MS4A12: variants seen among roughly 807,000 people sequenced by gnomAD.
MS4A12 encodes the protein membrane spanning 4-domains A12.
Under a neutral mutation model 23.7 loss-of-function variants are expected in MS4A12, and 28 were observed. The observed-to-expected ratio is 1.18, with a 90% confidence interval of 0.88 to 1.62. The LOEUF (loss-of-function observed/expected upper bound fraction) is 1.62. MS4A12 is among the 40% of genes most tolerant of loss of function. The pLI is 0.00. For synonymous variants in MS4A12, 108 were observed against 110.1 expected, an observed-to-expected ratio of 0.98 and a Z score of 0.12; for missense variants, 342 against 327.0, an observed-to-expected ratio of 1.05 and a Z score of -0.35.
At chr11:60,506,351 A>G (rs908168144) in intron 5 of MS4A12, among the ~76,000 whole-genome samples, 2 of 152,190 alleles carry the variant, frequency 1.3e-5, no homozygotes, top group Admixed American at 6.5e-5. Context: ...AATAGTCATC[A>G]AACATTAATT....
chr11:60,497,522 A>C lies in MS4A12; in HGVS notation c.204A>C (p.Gly68=). 1 of 1,614,156 alleles carries C rather than the reference A, an allele frequency of 6.2e-7. No homozygotes were observed. The highest frequency in any genetic ancestry group is 1.1e-5 in the South Asian group (1 of 91,082). ...GIFASSQPGQ[G]NIQMINPSVG... ...TTGCTAGCAGTCAACCGGGTCAAGG[A>C]AATATACAAATGATAAATCCAAGTG... The change falls in exon 2 of 7, where the codon GGA becomes GGC. Residue 68 remains glycine (G), a synonymous_variant. Coordinates refer to ENST00000016913, the MANE Select transcript of MS4A12 (RefSeq NM_017716.3).
rs757436949 is a variant in MS4A12, at chr11:60,497,446, C to G, written c.128C>G (p.Ala43Gly). Reference protein sequence around the residue: ...PLGSINLENQAQGAQRAQPYG... With the variant: ...PLGSINLENQGQGAQRAQPYG... ...GGTTCAATCAACTTAGAAAACCAAG[C>G]TCAGGGTGCTCAGCGTGCTCAGCCC... The change falls in exon 2 of 7, where the codon GCT becomes GGT. Residue 43 changes from alanine to glycine, a missense_variant. By Grantham distance (60) the Ala-to-Gly change is moderately conservative. Transcript: ENST00000016913. 6.2e-7 allele frequency: 1 copy of G among 1,614,078 alleles called. No individual in the cohort carries two copies. Among genetic ancestry groups the G allele is most frequent in the Non-Finnish European group, 8.5e-7 (1 of 1,180,040 alleles).
intron 5 of MS4A12, among the ~76,000 whole-genome samples, chr11:60,504,306 A>G (rs1258492140): frequency 1.3e-5 from 2 of 152,222 alleles, no homozygotes; most frequent in Non-Finnish European, 2.9e-5. Context: ...ACACAATCAC[A>G]CATTCATTAG....
At chr11:60,501,240 T>G in intron 3 of MS4A12, 58 bp downstream of exon 3, 4 of 1,486,544 alleles carry the variant, frequency 2.7e-6, no homozygotes, top group Non-Finnish European at 3.6e-6. Context: ...CCCTCTTGGT[T>G]TATAAAGTAT....
At chr11:60,505,783 A>G (rs2135236087) in intron 5 of MS4A12, among the ~76,000 whole-genome samples, 1 of 152,282 alleles carries the variant, frequency 6.6e-6, no homozygotes, top group Admixed American at 6.5e-5. Flanking sequence ...CATGAGTAGT[A>G]CCCAGGACCT....
chr11:60,502,624 A>G (rs1054389632), intron 4 of MS4A12, among the ~76,000 whole-genome samples: 1 of 152,176 alleles, frequency 6.6e-6, no homozygotes, highest in Admixed American at 6.5e-5. Context: ...TTCGTGGTCT[A>G]CTATTGAACC....
intron 5 of MS4A12, among the ~76,000 whole-genome samples, 172 bp downstream of exon 5, chr11:60,503,989 C>T (rs2086551716): frequency 6.6e-6 from 1 of 152,162 alleles, no homozygotes; most frequent in Non-Finnish European, 1.5e-5. Flanking sequence ...GAGAGGGTTA[C>T]CTCTACAGAT....
At chr11:60,503,332 A>T (rs1484140511) in intron 4 of MS4A12, among the ~76,000 whole-genome samples, 1 of 152,240 alleles carries the variant, frequency 6.6e-6, no homozygotes, top group Non-Finnish European at 1.5e-5. Flanking sequence ...GTAAGAGTTG[A>T]GATAATTTAA....
At chr11:60,494,462 C>G (rs981659958) in intron 1 of MS4A12, among the ~76,000 whole-genome samples, 1 of 152,074 alleles carries the variant, frequency 6.6e-6, no homozygotes, top group East Asian at 1.9e-4. Context: ...TTTTTAAAAG[C>G]TCAAAAAAAT....
chr11:60,496,624 C>T (rs2086489411), intron 1 of MS4A12, among the ~76,000 whole-genome samples: 1 of 152,114 alleles, frequency 6.6e-6, no homozygotes, highest in Non-Finnish European at 1.5e-5. Context: ...TTACTTGGCC[C>T]CTGTATTAGT....
intron 1 of MS4A12, among the ~76,000 whole-genome samples, chr11:60,494,265 T>C (rs4939375): frequency 0.56 from 84,898 of 151,450 alleles, 23,851 homozygotes; most frequent in East Asian, 0.64. Context: ...CTATGTGAAA[T>C]TTACAGATCT....
chr11:60,493,667 A>C (rs2086466105), intron 1 of MS4A12, among the ~76,000 whole-genome samples: 1 of 152,218 alleles, frequency 6.6e-6, no homozygotes, highest in Admixed American at 6.5e-5. Context: ...AGGTGATATA[A>C]GTGTATACCT....
At chr11:60,501,859 G>T (rs762077675) in intron 3 of MS4A12, 124 bp from the exon 4 acceptor site, 8 of 820,154 alleles carry the variant, frequency 9.8e-6, no homozygotes, top group African/African-American at 3.4e-5. Flanking sequence ...AAATTCAGAA[G>T]TGCGAGAGAA....
intron 1 of MS4A12, among the ~76,000 whole-genome samples, chr11:60,494,415 T>A (rs753893098): frequency 7.2e-5 from 11 of 152,328 alleles, no homozygotes; most frequent in Non-Finnish European, 1.2e-4. Context: ...TGAAATCATA[T>A]ACATGCAGAA....
chr11:60,493,226 A>T (rs1191939062), intron 1 of MS4A12, among the ~76,000 whole-genome samples: 1 of 152,004 alleles, frequency 6.6e-6, no homozygotes, highest in Admixed American at 6.6e-5. Flanking sequence ...AAATACAAAA[A>T]TTAGCTGGGC....
At chr11:60,499,376 G>C (rs2086513561) in intron 2 of MS4A12, among the ~76,000 whole-genome samples, 1 of 152,206 alleles carries the variant, frequency 6.6e-6, no homozygotes, top group Non-Finnish European at 1.5e-5. Context: ...TACAAATCCA[G>C]ATCTAACTGC....
chr11:60,494,066 A>G (rs141871709), intron 1 of MS4A12, among the ~76,000 whole-genome samples: 1 of 152,342 alleles, frequency 6.6e-6, no homozygotes, highest in Non-Finnish European at 1.5e-5. Flanking sequence ...GAATCTATAA[A>G]AGGAGTCTAT....
intron 2 of MS4A12, chr11:60,497,839 G>C: frequency 2.1e-6 from 1 of 467,524 alleles, no homozygotes; most frequent in Non-Finnish European, 3.8e-6. Flanking sequence ...TGACGTGACA[G>C]AAGCACTGTT....
chr11:60,493,334 C>G (rs2086463392), intron 1 of MS4A12, among the ~76,000 whole-genome samples: 2 of 151,200 alleles, frequency 1.3e-5, no homozygotes, highest in Non-Finnish European at 2.9e-5. Context: ...CGAGATCGCT[C>G]CATTGCACTC....
Sources: allele counts gnomAD v4.1 joint callset (sites outside exome capture counted in the v4.1 genomes callset), GRCh38; gene constraint gnomAD v4.1.1; transcripts MANE v1.5; gene names NCBI Gene and HGNC (gene_info 2026-07-23, HGNC 2026-07-21).